Variants in ADK observed in about 807,000 individuals in gnomAD.
ADK encodes the protein N6,N6-dimethyladenosine kinase.
A neutral mutation model predicts 44.7 loss-of-function variants in ADK; 24 were observed. The observed-to-expected ratio is 0.54, with a 90% confidence interval of 0.39 to 0.76. ADK has a LOEUF of 0.76. ADK is among the 30% of genes least tolerant of loss of function. The probability of loss-of-function intolerance (pLI) is 0.00; values close to 1 mark genes in which losing one functional copy is unlikely to be tolerated. For missense variants in ADK, 321 were observed against 425.1 expected (o/e 0.76, Z 2.15); for synonymous variants, 128 against 142.6 (o/e 0.90, Z 0.73).
rs185021662 is a variant in ADK, at chr10:74,708,820, A to G, written c.*375A>G. On this transcript the variant is annotated 3_prime_UTR_variant, in exon 11 of 11. Coordinates refer to ENST00000539909, the MANE Select transcript of ADK (RefSeq NM_006721.4). Reference sequence around the variant, plus strand: ...GCAATTTAATATAATAGATTTTTTAATGAATTAATCTTAACATAGTAATCT... The same window carrying G: ...GCAATTTAATATAATAGATTTTTTAGTGAATTAATCTTAACATAGTAATCT... 2.0e-3 allele frequency: 459 copies of G among 230,838 alleles called. 1 individual carries two copies. The highest frequency in any genetic ancestry group is 5.6e-3 in the Middle Eastern group (3 of 536). 14.3% of individuals were successfully genotyped at this position (230,838 alleles called of 1,614,324 possible).
intron 9 of ADK, among the ~76,000 whole-genome samples, chr10:74,625,197 G>A (rs77571787): frequency 0.011 from 1,678 of 152,198 alleles, 5 homozygotes; most frequent in Non-Finnish European, 0.018. Context: ...TAGAACAAAT[G>A]GAACAAGAAG....
At position 74,369,927 on chromosome 10, in the gene ADK, T is replaced by G. The variant is rs372576485; in HGVS notation, c.274-24214T>G. On this transcript the variant is annotated intron_variant, in intron 4 of 10. Coordinates refer to ENST00000539909, the MANE Select transcript of ADK (RefSeq NM_006721.4). ...AGGTACTAGAATGAATAATTGAGTT[T>G]AGCATGCTTGCAGAATATAAGATCA... Among the ~76,000 whole-genome samples the G allele has an allele frequency of 2.3e-4, 35 of 152,328 alleles. 1 individual carries two copies. The highest frequency in any genetic ancestry group is 6.8e-3 in the Middle Eastern group (2 of 294).
intron 1 of ADK, among the ~76,000 whole-genome samples, chr10:74,185,504 A>C (rs1380036905): frequency 6.7e-6 from 1 of 149,630 alleles, no homozygotes; most frequent in African/African-American, 2.5e-5. Flanking sequence ...ACTTTAAAAA[A>C]AAATGCCAAC....
At chr10:74,605,605 T>C (rs1240613918) in intron 9 of ADK, among the ~76,000 whole-genome samples, 1 of 152,172 alleles carries the variant, frequency 6.6e-6, no homozygotes, top group African/African-American at 2.4e-5. Flanking sequence ...GACTTGATCA[T>C]GATAGATAAG....
intron 7 of ADK, among the ~76,000 whole-genome samples, chr10:74,543,590 G>A (rs1849725184): frequency 6.6e-6 from 1 of 152,176 alleles, no homozygotes; most frequent in Non-Finnish European, 1.5e-5. Context: ...GTTAGATGTT[G>A]CTAAATTCCT....
chr10:74,488,176 A>C (rs764545709), intron 6 of ADK, among the ~76,000 whole-genome samples: 3 of 152,032 alleles, frequency 2.0e-5, no homozygotes, highest in Non-Finnish European at 4.4e-5. Context: ...AGTAAGGAGA[A>C]TGGAAGGAGA....
intron 3 of ADK, among the ~76,000 whole-genome samples, chr10:74,281,321 T>A (rs1846924080): frequency 6.6e-6 from 1 of 152,266 alleles, no homozygotes; most frequent in African/African-American, 2.4e-5. Context: ...TCAGTAATGG[T>A]AATTTTATGC....
At chr10:74,693,866 TTGTGGAAAATTCATCCAG>T (rs1484173284) in intron 10 of ADK, among the ~76,000 whole-genome samples, 2 of 152,188 alleles carry the variant, frequency 1.3e-5, no homozygotes, top group African/African-American at 2.4e-5. Flanking sequence ...CTGATTTACC[TTGTGGAAAATTCATCCAG>T]TGGCTACAAT....
At chr10:74,612,446 G>A (rs1415058943) in intron 9 of ADK, among the ~76,000 whole-genome samples, 2 of 151,994 alleles carry the variant, frequency 1.3e-5, no homozygotes, top group Non-Finnish European at 2.9e-5. Context: ...AGAAGCATTT[G>A]TTCATGTCCC....
At chr10:74,440,365 T>A (rs1845358600) in intron 6 of ADK, among the ~76,000 whole-genome samples, 1 of 152,150 alleles carries the variant, frequency 6.6e-6, no homozygotes, top group Non-Finnish European at 1.5e-5. Context: ...AGATTTGGGC[T>A]GGAACTCAGG....
chr10:74,696,696 G>T (rs762275545), intron 10 of ADK, among the ~76,000 whole-genome samples: 1 of 152,098 alleles, frequency 6.6e-6, no homozygotes, highest in Non-Finnish European at 1.5e-5. Flanking sequence ...ATGGGACTGT[G>T]TATGTTTTCT....
At chr10:74,183,370 C>T (rs928526080) in intron 1 of ADK, among the ~76,000 whole-genome samples, 1 of 152,134 alleles carries the variant, frequency 6.6e-6, no homozygotes, top group African/African-American at 2.4e-5. Context: ...GCCAGGAGTT[C>T]AAGGCCAGCC....
intron 3 of ADK, among the ~76,000 whole-genome samples, chr10:74,303,985 G>T (rs1366347127): frequency 1.3e-5 from 2 of 150,454 alleles, no homozygotes; most frequent in Non-Finnish European, 3.0e-5. Flanking sequence ...AAAAAAAAAG[G>T]TATTGTCAAA....
intron 6 of ADK, among the ~76,000 whole-genome samples, chr10:74,404,034 G>C (rs922662489): frequency 2.0e-5 from 3 of 151,834 alleles, no homozygotes; most frequent in African/African-American, 7.3e-5. Flanking sequence ...CACCATGCCC[G>C]GCTAATTTTT....
At chr10:74,633,907 GGTAAAAAGTGAGTGA>G (rs1454359510) in intron 9 of ADK, among the ~76,000 whole-genome samples, 1 of 152,148 alleles carries the variant, frequency 6.6e-6, no homozygotes, top group Non-Finnish European at 1.5e-5. Context: ...GAAGAGTTTA[GGTAAAAAGTGAGTGA>G]GGAAATTTCA....
intron 4 of ADK, among the ~76,000 whole-genome samples, chr10:74,390,082 A>G (rs1286185394): frequency 1.3e-5 from 2 of 152,126 alleles, no homozygotes; most frequent in Admixed American, 1.3e-4. Flanking sequence ...TTTGCTATAT[A>G]TAGTAGACAT....
At chr10:74,339,497 C>T (rs765987972) in intron 4 of ADK, among the ~76,000 whole-genome samples, 15 of 152,176 alleles carry the variant, frequency 9.9e-5, no homozygotes, top group Non-Finnish European at 1.6e-4. Flanking sequence ...GCCCATTTCA[C>T]GTATCTCAGC....
chr10:74,445,481 C>A (rs1845561143), intron 6 of ADK, among the ~76,000 whole-genome samples: 1 of 151,874 alleles, frequency 6.6e-6, no homozygotes, highest in Non-Finnish European at 1.5e-5. Flanking sequence ...CTTTTATACT[C>A]ATTCCTTTAT....
chr10:74,337,587 T>A (rs2131863670), intron 4 of ADK, among the ~76,000 whole-genome samples: 1 of 152,332 alleles, frequency 6.6e-6, no homozygotes, highest in African/African-American at 2.4e-5. Context: ...TTTAATCAAA[T>A]CATCTCTATA....
Sources: gnomAD v4.1 joint callset for allele counts (sites outside exome capture counted in the v4.1 genomes callset) on GRCh38, gnomAD v4.1.1 for gene constraint, MANE v1.5 for transcripts, NCBI Gene and HGNC (gene_info 2026-07-23, HGNC 2026-07-21) for gene names.